The following SLC7A7 variants were observed in gnomAD, a reference collection of about 807,000 sequenced individuals.
SLC7A7 encodes the protein solute carrier family 7 member 7.
In SLC7A7, 39 loss-of-function variants were observed where a neutral mutation model predicts 47.9. The ratio of observed to expected loss-of-function variants is 0.81; its 90% CI spans 0.63 to 1.06. The LOEUF is 1.06. SLC7A7 is among the 50% of genes least tolerant of loss of function. SLC7A7 has a pLI of 0.00. For missense variants in SLC7A7, 588 were observed against 632.0 expected, an observed-to-expected ratio of 0.93 and a Z score of 0.75; for synonymous variants, 234 against 242.8, an observed-to-expected ratio of 0.96 and a Z score of 0.34.
intron 2 of SLC7A7, among the ~76,000 whole-genome samples, chr14:22,809,696 A>G (rs2039271723): frequency 6.6e-6 from 1 of 151,866 alleles, no homozygotes; most frequent in African/African-American, 2.4e-5. Context: ...TTAGCTTCCC[A>G]AAGTGCTAGG....
intron 4 of SLC7A7, 81 bp downstream of exon 4, chr14:22,778,712 T>C (rs2038660521): frequency 3.4e-6 from 5 of 1,466,440 alleles, no homozygotes; most frequent in African/African-American, 1.4e-5. Flanking sequence ...ATAGTGGTTG[T>C]GGTATGCTGT....
chr14:22,792,204 C>A (rs1279012019), intron 2 of SLC7A7, among the ~76,000 whole-genome samples: 1 of 152,084 alleles, frequency 6.6e-6, no homozygotes, highest in Non-Finnish European at 1.5e-5. Context: ...CTTCCACTCT[C>A]CCTAGGTGCT....
At position 22,774,071 on chromosome 14, in the gene SLC7A7, G is replaced by A; in HGVS notation, c.1291C>T (p.Leu431=). ...TCACTGTAAAGTGGAACAGCCACCA[G>A]GAAGATGGTGCAGAGGCAGAAGACA... ...PIVFCLCTIF[L]VAVPLYSDTI... The change falls in exon 9 of 10, where the codon CTG becomes TTG. Residue 431 remains leucine (L), a synonymous_variant. Transcript: ENST00000674313. The A allele has an allele frequency of 1.2e-6, 2 of 1,614,186 alleles. No homozygotes were observed. The highest frequency in any genetic ancestry group is 1.7e-6 in the Non-Finnish European group (2 of 1,180,036).
At position 22,799,088 on chromosome 14, in the gene SLC7A7, AC is replaced by A. The variant is rs137895864; in HGVS notation, c.499+13811del. Among the ~76,000 whole-genome samples, 1,514 of 152,278 alleles carry A rather than the reference AC, an allele frequency of 9.9e-3. 24 individuals carry two copies. The highest frequency in any genetic ancestry group is 0.035 in the African/African-American group (1,453 of 41,544). Reference sequence around the variant, plus strand: ...AATGATATTTCTGAAACCTGATTTCACCCTCACTGCCCTGAAATTTCATTGC... The same window carrying A: ...AATGATATTTCTGAAACCTGATTTCACCTCACTGCCCTGAAATTTCATTGC... On this transcript the variant is annotated intron_variant, in intron 2 of 9. Transcript: ENST00000674313.
intron 2 of SLC7A7, among the ~76,000 whole-genome samples, chr14:22,790,618 T>C (rs1051349635): frequency 6.6e-6 from 1 of 152,194 alleles, no homozygotes; most frequent in African/African-American, 2.4e-5. Flanking sequence ...TAGCAAATCA[T>C]CATTTTTGAA....
chr14:22,776,984 A>G (rs1566441222), intron 4 of SLC7A7, among the ~76,000 whole-genome samples: 3 of 150,052 alleles, frequency 2.0e-5, no homozygotes, highest in Non-Finnish European at 4.4e-5. Context: ...ACAAACCAAA[A>G]AAAAAAAAAT....
intron 2 of SLC7A7, among the ~76,000 whole-genome samples, chr14:22,802,051 A>G (rs35710053): frequency 0.12 from 18,649 of 152,224 alleles, 1,328 homozygotes; most frequent in South Asian, 0.19. Flanking sequence ...ACAGTAAATG[A>G]TATCACTGCC....
intron 2 of SLC7A7, among the ~76,000 whole-genome samples, chr14:22,795,750 G>A (rs1254178319): frequency 6.6e-6 from 1 of 152,086 alleles, no homozygotes; most frequent in East Asian, 1.9e-4. Context: ...TGGGATTACA[G>A]GCGTGAGCCA....
chr14:22,807,344 C>G (rs1458511037), intron 2 of SLC7A7, among the ~76,000 whole-genome samples: 1 of 152,130 alleles, frequency 6.6e-6, no homozygotes, highest in Non-Finnish European at 1.5e-5. Flanking sequence ...AAAACATTCT[C>G]CATGTGGCCA....
At chr14:22,783,780 T>G (rs1475145954) in intron 2 of SLC7A7, among the ~76,000 whole-genome samples, 1 of 152,150 alleles carries the variant, frequency 6.6e-6, no homozygotes, top group African/African-American at 2.4e-5. Flanking sequence ...CCCCCACTCC[T>G]GAGCCTGATT....
chr14:22,809,639 C>T lies in SLC7A7; in HGVS notation c.499+3261G>A, dbSNP rs532764353. Among the ~76,000 whole-genome samples the T allele has an allele frequency of 5.9e-5, 9 of 152,136 alleles. No individual in the cohort carries two copies. In the South Asian group the frequency reaches 1.9e-3, roughly 31 times the overall value. On this transcript the variant is annotated intron_variant, in intron 2 of 9. Transcript: ENST00000674313. ...TCCAGGCGTGAGCCACCATGCCCGG[C>T]CTTTTTTGTATTTTTAGTAGAGAGG...
intron 2 of SLC7A7, among the ~76,000 whole-genome samples, chr14:22,790,814 A>T (rs2038911328): frequency 6.6e-6 from 1 of 152,066 alleles, no homozygotes; most frequent in Admixed American, 6.6e-5. Flanking sequence ...CCTGGCCAAC[A>T]TGGTGAAACC....
At chr14:22,780,201 G>A (rs2038694466) in intron 2 of SLC7A7, 150 bp from the exon 3 acceptor site, 3 of 960,026 alleles carry the variant, frequency 3.1e-6, no homozygotes, top group Admixed American at 5.1e-5. Flanking sequence ...GGAACCCTCG[G>A]GGCCCCAGAA....
chr14:22,810,240 G>A (rs1014030650), intron 2 of SLC7A7, among the ~76,000 whole-genome samples: 11 of 151,720 alleles, frequency 7.3e-5, no homozygotes, highest in African/African-American at 1.9e-4. Context: ...CGAGGTAGGC[G>A]GATTACCTGA....
At chr14:22,818,523 G>A (rs537619234), upstream of SLC7A7, among the ~76,000 whole-genome samples, 1 of 151,034 alleles carries the variant, frequency 6.6e-6, no homozygotes, top group Non-Finnish European at 1.5e-5. Flanking sequence ...CATTCAGGCA[G>A]CCTGGGACCA....
At chr14:22,795,576 A>T (rs3934209) in intron 2 of SLC7A7, among the ~76,000 whole-genome samples, 1 of 151,518 alleles carries the variant, frequency 6.6e-6, no homozygotes, top group Admixed American at 6.6e-5. Flanking sequence ...CCGGGTTCAC[A>T]CCATTCTCCT....
Position 22,798,159 on chromosome 14 carries a change from T to C in SLC7A7, c.499+14741A>G, listed in dbSNP as rs377372858. ...AAAAATACAAAAAATTAGCCGGGCA[T>C]AGTGGTGGGCACCTGTAATCCCAGC... On this transcript the variant is annotated intron_variant, in intron 2 of 9. Transcript: ENST00000674313. 5.2e-4 allele frequency among the ~76,000 whole-genome samples: 79 copies of C among 152,136 alleles called. No individual in the cohort carries two copies. In the South Asian group the frequency reaches 0.015, roughly 28 times the overall value.
chr14:22,812,774 T>TAC, intron 2 of SLC7A7, 126 bp downstream of exon 2: 1 of 102,576 alleles, frequency 9.7e-6, no homozygotes, highest in Non-Finnish European at 1.5e-5. Context: ...ATACTTTAAC[T>TAC]ATATATATAT....
At chr14:22,798,390 T>G (rs2039054337) in intron 2 of SLC7A7, among the ~76,000 whole-genome samples, 1 of 152,172 alleles carries the variant, frequency 6.6e-6, no homozygotes, top group Non-Finnish European at 1.5e-5. Flanking sequence ...CTAGCATTGA[T>G]TGAATCCTGC....
Sources: gnomAD v4.1 joint callset for allele counts (sites outside exome capture counted in the v4.1 genomes callset) on GRCh38, gnomAD v4.1.1 for gene constraint, MANE v1.5 for transcripts, NCBI Gene and HGNC (gene_info 2026-07-23, HGNC 2026-07-21) for gene names.